Variants in CDH18 observed in about 807,000 individuals in gnomAD.
CDH18 encodes the protein cadherin-18.
A neutral mutation model predicts 67.9 loss-of-function variants in CDH18; 31 were observed. The ratio of observed to expected loss-of-function variants is 0.46; its 90% CI spans 0.34 to 0.62. The LOEUF is 0.62. Ranked by LOEUF, CDH18 falls within the 20% of genes least tolerant of loss-of-function variation. The probability of loss-of-function intolerance (pLI) is 0.01; values close to 1 mark genes in which losing one functional copy is unlikely to be tolerated. For missense variants in CDH18, 890 were observed against 975.5 expected, an observed-to-expected ratio of 0.91 and a Z score of 1.17; for synonymous variants, 362 against 347.2, an observed-to-expected ratio of 1.04 and a Z score of -0.48.
intron 2 of CDH18, among the ~76,000 whole-genome samples, chr5:20,187,402 C>G (rs569187667): frequency 6.6e-6 from 1 of 151,850 alleles, no homozygotes; most frequent in East Asian, 1.9e-4. Flanking sequence ...AAATTTCTTC[C>G]TTTTGTAGAA....
intron 1 of CDH18, among the ~76,000 whole-genome samples, chr5:20,263,419 T>G (rs1199409855): frequency 1.3e-5 from 2 of 152,178 alleles, no homozygotes; most frequent in African/African-American, 4.8e-5. Flanking sequence ...TGAAGTTCAA[T>G]ATTTCAAACA....
At chr5:20,507,264 C>T (rs906068155) in intron 1 of CDH18, among the ~76,000 whole-genome samples, 1 of 152,130 alleles carries the variant, frequency 6.6e-6, no homozygotes, top group Non-Finnish European at 1.5e-5. Flanking sequence ...TCAACCTCTA[C>T]GTTTTTGGTG....
chr5:19,824,216 C>T (rs1780176988), intron 3 of CDH18, among the ~76,000 whole-genome samples: 1 of 152,086 alleles, frequency 6.6e-6, no homozygotes. Flanking sequence ...CATGTGTGCT[C>T]CTCTCACAGA....
chr5:20,263,122 C>A (rs1193145593), intron 1 of CDH18, among the ~76,000 whole-genome samples: 1 of 151,822 alleles, frequency 6.6e-6, no homozygotes, highest in Non-Finnish European at 1.5e-5. Context: ...AATTATGTAC[C>A]CTCGAGCATG....
intron 1 of CDH18, among the ~76,000 whole-genome samples, chr5:20,350,728 G>C (rs914831239): frequency 5.3e-5 from 8 of 152,064 alleles, no homozygotes; most frequent in African/African-American, 1.9e-4. Flanking sequence ...AAACATTTCA[G>C]AACTGTGACA....
chr5:19,624,095 T>C (rs960724439), intron 5 of CDH18, among the ~76,000 whole-genome samples: 8 of 151,410 alleles, frequency 5.3e-5, no homozygotes, highest in Non-Finnish European at 8.8e-5. Context: ...GCAAACTCTG[T>C]CTGCTGGGTG....
intron 8 of CDH18, among the ~76,000 whole-genome samples, chr5:19,564,784 T>C (rs967951576): frequency 3.3e-5 from 5 of 152,018 alleles, no homozygotes; most frequent in African/African-American, 1.2e-4. Context: ...AGGCGTTGGC[T>C]CAGAGGAGAG....
chr5:20,170,990 G>A (rs563298189), intron 2 of CDH18, among the ~76,000 whole-genome samples: 1 of 151,886 alleles, frequency 6.6e-6, no homozygotes, highest in Non-Finnish European at 1.5e-5. Context: ...AGTTTGCTAA[G>A]GATAATGGCC....
rs1037899520 is a variant in CDH18 at position 19,524,902 on chromosome 5, C to T, written c.1391-4124G>A. Among the ~76,000 whole-genome samples the T allele has an allele frequency of 7.2e-5, 11 of 152,172 alleles. No individual in the cohort carries two copies. In the East Asian group the frequency reaches 1.9e-3, roughly 27 times the overall value. On this transcript the variant is annotated intron_variant, in intron 9 of 12. Transcript: ENST00000382275. ...CTGGGACTACAGGCGCCCGCCACCA[C>T]GCCCGGCTAATTTATTGTGTTTTTA...
intron 2 of CDH18, among the ~76,000 whole-genome samples, chr5:20,056,635 C>G (rs2150501165): frequency 6.9e-6 from 1 of 144,156 alleles, no homozygotes; most frequent in African/African-American, 2.6e-5. Flanking sequence ...CCCACAGTTG[C>G]TGAGACAAAC....
intron 1 of CDH18, among the ~76,000 whole-genome samples, chr5:20,294,038 T>C (rs1747302008): frequency 6.6e-6 from 1 of 152,212 alleles, no homozygotes; most frequent in Non-Finnish European, 1.5e-5. Flanking sequence ...TATGTACTGC[T>C]TGTTAAATAA....
intron 2 of CDH18, among the ~76,000 whole-genome samples, chr5:19,887,330 G>A (rs886474307): frequency 6.6e-5 from 10 of 151,664 alleles, no homozygotes; most frequent in East Asian, 1.9e-4. Context: ...TGAGATAACC[G>A]CATTGCCTAA....
chr5:20,363,179 T>C (rs1217989638), intron 1 of CDH18, among the ~76,000 whole-genome samples: 2 of 152,134 alleles, frequency 1.3e-5, no homozygotes, highest in African/African-American at 2.4e-5. Context: ...ATTATGTTAC[T>C]GTCCTGTTTA....
At chr5:20,421,043 A>C (rs1435736219) in intron 1 of CDH18, among the ~76,000 whole-genome samples, 2 of 151,206 alleles carry the variant, frequency 1.3e-5, no homozygotes, top group Non-Finnish European at 2.9e-5. Context: ...AGCAAGTAAC[A>C]GTATGATCTT....
chr5:20,123,691 T>C (rs925231057), intron 2 of CDH18, among the ~76,000 whole-genome samples: 3 of 151,958 alleles, frequency 2.0e-5, no homozygotes, highest in African/African-American at 7.2e-5. Context: ...ATCTAGACCA[T>C]CCTGGCTAAC....
intron 1 of CDH18, among the ~76,000 whole-genome samples, chr5:20,574,036 C>G (rs547957467): frequency 5.0e-4 from 75 of 150,216 alleles, no homozygotes; most frequent in African/African-American, 1.7e-3. Flanking sequence ...TCTCTACTTC[C>G]TAAGACCAAC....
At chr5:19,754,743 G>T (rs1198777216) in intron 3 of CDH18, among the ~76,000 whole-genome samples, 2 of 152,080 alleles carry the variant, frequency 1.3e-5, no homozygotes, top group Non-Finnish European at 2.9e-5. Flanking sequence ...CTTTCTCCAA[G>T]ATAGACCATA....
intron 2 of CDH18, among the ~76,000 whole-genome samples, chr5:20,134,860 G>T (rs886895029): frequency 6.6e-6 from 1 of 152,068 alleles, no homozygotes; most frequent in Non-Finnish European, 1.5e-5. Context: ...TTGGTGGCAG[G>T]TCAGAGAGAG....
chr5:20,359,552 C>A (rs914866093), intron 1 of CDH18, among the ~76,000 whole-genome samples: 1 of 152,064 alleles, frequency 6.6e-6, no homozygotes, highest in Non-Finnish European at 1.5e-5. Context: ...CTTTAAACTT[C>A]GGTGCCCCTG....
Sources: allele counts gnomAD v4.1 joint callset (sites outside exome capture counted in the v4.1 genomes callset), GRCh38; gene constraint gnomAD v4.1.1; transcripts MANE v1.5; gene names NCBI Gene and HGNC (gene_info 2026-07-23, HGNC 2026-07-21).